The following ADGRG6 variants were observed in gnomAD, a reference collection of about 807,000 sequenced individuals.
The protein encoded by ADGRG6 is adhesion G protein-coupled receptor G6, also known as G-protein coupled receptor 126.
In ADGRG6, 84 loss-of-function variants were observed where a neutral mutation model predicts 142.4. The ratio of observed to expected loss-of-function variants is 0.59; its 90% CI spans 0.49 to 0.71. ADGRG6 has a LOEUF of 0.71. ADGRG6 is among the 30% of genes least tolerant of loss of function. The pLI, the probability that ADGRG6 is intolerant of heterozygous loss-of-function variation, is 0.00. For missense variants in ADGRG6, 1,367 were observed against 1,466.6 expected (o/e 0.93, Z 1.11); for synonymous variants, 521 against 520.5 (o/e 1.00, Z -0.01).
chr6:142,392,914 A>T (rs749615530), intron 7 of ADGRG6, 34 bp from the exon 8 acceptor site: 1 of 1,473,992 alleles, frequency 6.8e-7, no homozygotes, highest in Non-Finnish European at 9.5e-7. Context: ...TAAAGGTATT[A>T]GCAAAACTCA....
At chr6:142,397,560 T>A in intron 9 of ADGRG6, 53 bp from the exon 10 acceptor site, 1 of 1,561,102 alleles carries the variant, frequency 6.4e-7, no homozygotes, top group Non-Finnish European at 8.7e-7. Flanking sequence ...TCCTACCAAA[T>A]GACAAGCAAC....
intron 4 of ADGRG6, among the ~76,000 whole-genome samples, chr6:142,378,493 A>G (rs1473878577): frequency 6.6e-6 from 1 of 152,230 alleles, no homozygotes; most frequent in Non-Finnish European, 1.5e-5. Flanking sequence ...GGGAGGTCCT[A>G]CAAAAAATGG....
chr6:142,369,258 T>C (rs1046108923), intron 3 of ADGRG6, among the ~76,000 whole-genome samples: 1 of 152,238 alleles, frequency 6.6e-6, no homozygotes, highest in Non-Finnish European at 1.5e-5. Flanking sequence ...TAATTTTGCA[T>C]GTATCATGGA....
intron 24 of ADGRG6, among the ~76,000 whole-genome samples, chr6:142,438,695 C>T (rs1284520744): frequency 6.6e-6 from 1 of 152,066 alleles, no homozygotes; most frequent in African/African-American, 2.4e-5. Context: ...AATTGAATTA[C>T]AGATTATTTC....
intron 1 of ADGRG6, chr6:142,302,570 CCT>C: frequency 3.8e-6 from 2 of 521,050 alleles, no homozygotes; most frequent in East Asian, 6.3e-5. Flanking sequence ...GCGAGGTAAA[CCT>C]CACATTTGGG....
In ADGRG6 at chr6:142,437,365, GTATTT is replaced by G. The variant is rs1199966700; in HGVS notation, c.3320-65_3320-61del. 4.1e-6 allele frequency: 3 copies of G among 735,680 alleles called. No homozygotes were observed. The African/African-American group carries it at 5.3e-5, about 13-fold the overall frequency. The allele number at this position is 735,680 out of a possible 1,614,324, so 45.6% of individuals were successfully genotyped here. Reference sequence around the variant, plus strand: ...AAATTTAAAATTAAAATGAATCCATGTATTTTATAAGATTTCTCTTTAAAGATGTG... The same window carrying G: ...AAATTTAAAATTAAAATGAATCCATGTATAAGATTTCTCTTTAAAGATGTG... On this transcript the variant is annotated intron_variant, in intron 22 of 24. Coordinates refer to ENST00000367609, the MANE Select transcript of ADGRG6 (RefSeq NM_198569.3).
intron 22 of ADGRG6, among the ~76,000 whole-genome samples, chr6:142,431,892 C>T (rs1397642277): frequency 2.0e-5 from 3 of 152,068 alleles, no homozygotes; most frequent in Non-Finnish European, 1.5e-5. Context: ...CATTGCACTC[C>T]AGCCTGGGCG....
rs1341741400 is a variant in ADGRG6 at position 142,403,784 on chromosome 6, T to G, written c.1956-18T>G. 6.6e-7 allele frequency: 1 copy of G among 1,518,830 alleles called. No individual in the cohort carries two copies. The highest frequency in any genetic ancestry group is 2.3e-5 in the East Asian group (1 of 43,234). 94.1% of individuals were successfully genotyped at this position (1,518,830 alleles called of 1,614,324 possible). A position where few individuals can be genotyped will look rare whatever the true frequency, so the allele number is the denominator to read the frequency against. ...ATATCATATTACTTAATAGTGGCAT[T>G]TTTTGTCGTTACTTTAGAGCTTTAA... On this transcript the variant is annotated intron_variant, in intron 13 of 24. Transcript: ENST00000367609.
At position 142,367,574 on chromosome 6, in the gene ADGRG6, G is replaced by T; in HGVS notation, c.109G>T (p.Gly37Ter). The change falls in exon 3 of 25, where the codon GGA becomes TGA. Residue 37 changes from glycine to a stop codon, truncating the protein, a stop_gained. Coordinates refer to ENST00000367609, the MANE Select transcript of ADGRG6 (RefSeq NM_198569.3). LOFTEE classifies it high-confidence loss of function. Reference sequence around the variant, plus strand: ...CTCTTTTGTCTGGCCAGCAGTGTGGGGATGTGCCAACTGCCGAGTGGTTTT... The same window carrying T: ...CTCTTTTGTCTGGCCAGCAGTGTGGTGATGTGCCAACTGCCGAGTGGTTTT... ...YIMCVPHSVWGCANCRVVLSN... is the reference protein window; with the variant it reads ...YIMCVPHSVW 1.2e-6 allele frequency: 2 copies of T among 1,612,580 alleles called. No individual in the cohort carries two copies. Among genetic ancestry groups the T allele is most frequent in the Non-Finnish European group, 1.7e-6 (2 of 1,179,044 alleles).
At chr6:142,421,589 A>G (rs1200014967) in intron 22 of ADGRG6, among the ~76,000 whole-genome samples, 2 of 152,308 alleles carry the variant, frequency 1.3e-5, no homozygotes, top group African/African-American at 4.8e-5. Flanking sequence ...TCAGGATTGT[A>G]TATAAAAGGC....
chr6:142,337,532 G>A (rs1386547946), intron 2 of ADGRG6, among the ~76,000 whole-genome samples: 1 of 152,046 alleles, frequency 6.6e-6, no homozygotes, highest in Non-Finnish European at 1.5e-5. Flanking sequence ...CTCAAGGCTT[G>A]CTTTACTCTC....
intron 2 of ADGRG6, among the ~76,000 whole-genome samples, chr6:142,327,282 C>G (rs1462946097): frequency 6.6e-6 from 1 of 151,360 alleles, no homozygotes; most frequent in African/African-American, 2.4e-5. Context: ...AAAAAAAAGT[C>G]TTTGGGGACT....
intron 1 of ADGRG6, among the ~76,000 whole-genome samples, chr6:142,305,921 T>C (rs1458128049): frequency 6.6e-6 from 1 of 152,098 alleles, no homozygotes; most frequent in Non-Finnish European, 1.5e-5. Flanking sequence ...TTAAATACAT[T>C]GCTTTGGCTC....
In ADGRG6 at chr6:142,311,381, C is replaced by A. The variant is rs137911440; in HGVS notation, c.103+1737C>A. ...AATACCTATATCACTCTAATAATGA[C>A]TCATTTAAAATGCCACCACCTCACA... On this transcript the variant is annotated intron_variant, in intron 2 of 24. Coordinates refer to ENST00000367609, the MANE Select transcript of ADGRG6 (RefSeq NM_198569.3). 1.1e-3 allele frequency among the ~76,000 whole-genome samples: 164 copies of A among 151,978 alleles called. 1 individual carries two copies. Among genetic ancestry groups the A allele is most frequent in the African/African-American group, 3.8e-3 (158 of 41,516 alleles).
chr6:142,340,297 A>G (rs1219791267), intron 2 of ADGRG6, among the ~76,000 whole-genome samples: 2 of 152,158 alleles, frequency 1.3e-5, no homozygotes, highest in Non-Finnish European at 2.9e-5. Context: ...CAATTTTTAC[A>G]TTACCAAATA....
intron 22 of ADGRG6, among the ~76,000 whole-genome samples, chr6:142,434,804 A>G (rs748073255): frequency 1.3e-5 from 2 of 152,148 alleles, no homozygotes; most frequent in South Asian, 4.1e-4. Flanking sequence ...TCACCAAACA[A>G]CAAGCTAAAC....
At chr6:142,380,721 CT>C (rs1781733515) in intron 4 of ADGRG6, among the ~76,000 whole-genome samples, 1 of 152,168 alleles carries the variant, frequency 6.6e-6, no homozygotes, top group Non-Finnish European at 1.5e-5. Context: ...TTTCTGTTCG[CT>C]TTTCTTACCA....
At chr6:142,307,361 G>A (rs1777550771) in intron 1 of ADGRG6, among the ~76,000 whole-genome samples, 1 of 151,888 alleles carries the variant, frequency 6.6e-6, no homozygotes, top group Non-Finnish European at 1.5e-5. Context: ...TGTGAAATGA[G>A]GTTAGATTAG....
At position 142,443,615 on chromosome 6, in the gene ADGRG6, CAT is replaced by C. The variant is rs1410315926; in HGVS notation, c.*108_*109del. 15 of 697,440 alleles carry C rather than the reference CAT, an allele frequency of 2.2e-5. No homozygotes were observed. Among genetic ancestry groups the C allele is most frequent in the Non-Finnish European group, 3.6e-5 (15 of 417,596 alleles). 43.2% of individuals were successfully genotyped at this position (697,440 alleles called of 1,614,324 possible). ...AAATGTGCTATTACCTAGGTAACTG[CAT>C]ATATATAAGGAATGTATTTTGTTAA... is the stretch of plus-strand genomic sequence containing the variant. On this transcript the variant is annotated 3_prime_UTR_variant, in exon 25 of 25. Transcript: ENST00000367609.
Sources: allele counts gnomAD v4.1 joint callset (sites outside exome capture counted in the v4.1 genomes callset), GRCh38; gene constraint gnomAD v4.1.1; transcripts MANE v1.5; gene names NCBI Gene and HGNC (gene_info 2026-07-23, HGNC 2026-07-21).